Variants in SLC44A5 observed in about 807,000 individuals in gnomAD.
The protein encoded by SLC44A5 is solute carrier family 44 member 5, also known as choline transporter-like protein 5.
A neutral mutation model predicts 101.8 loss-of-function variants in SLC44A5; 57 were observed. The observed-to-expected ratio is 0.56, with a 90% CI of 0.45 to 0.70. The LOEUF (loss-of-function observed/expected upper bound fraction) is 0.70, where lower values mean the gene tolerates loss of function less well. SLC44A5 is among the 30% of genes least tolerant of loss of function. The probability of loss-of-function intolerance (pLI) is 0.00; values close to 1 mark genes in which losing one functional copy is unlikely to be tolerated. For missense variants in SLC44A5, 737 were observed against 853.1 expected (o/e 0.86, Z 1.70); for synonymous variants, 281 against 290.9 (o/e 0.97, Z 0.35).
At chr1:75,648,248 T>C in the SLC44A5 span, among the ~76,000 whole-genome samples, 1 of 152,152 alleles carries the variant, frequency 6.6e-6, no homozygotes, top group Non-Finnish European at 1.5e-5. Flanking sequence ...GAAGGACATG[T>C]TTGTTTCCCC....
At chr1:75,490,439 T>C (rs529199162) in intron 2 of SLC44A5, among the ~76,000 whole-genome samples, 108 of 152,292 alleles carry the variant, frequency 7.1e-4, no homozygotes, top group Non-Finnish European at 1.1e-3. Flanking sequence ...AAAAACACAC[T>C]GGGACAATAG....
intron 12 of SLC44A5, among the ~76,000 whole-genome samples, chr1:75,229,606 A>T (rs1185075386): frequency 6.6e-6 from 1 of 152,050 alleles, no homozygotes; most frequent in African/African-American, 2.4e-5. Flanking sequence ...TAATACTGCC[A>T]TTTTCACTCC....
intron 1 of SLC44A5, among the ~76,000 whole-genome samples, chr1:75,590,062 GCACACGACGTA>G (rs978015512): frequency 4.6e-5 from 7 of 151,972 alleles, no homozygotes; most frequent in Non-Finnish European, 7.4e-5. Context: ...GATTAGGGGG[GCACACGACGTA>G]CTGAGACACC....
chr1:75,617,252 T>C, the SLC44A5 span, among the ~76,000 whole-genome samples: 4 of 152,116 alleles, frequency 2.6e-5, no homozygotes, highest in African/African-American at 9.7e-5. Flanking sequence ...CACTTCTCCT[T>C]TCCTCCTCCT....
At chr1:75,272,278 G>A (rs535377040) in intron 6 of SLC44A5, among the ~76,000 whole-genome samples, 1 of 147,722 alleles carries the variant, frequency 6.8e-6, no homozygotes, top group East Asian at 2.0e-4. Flanking sequence ...TATTTACTCT[G>A]CTTATTTATT....
chr1:75,622,003 C>T, the SLC44A5 span, among the ~76,000 whole-genome samples: 1 of 152,074 alleles, frequency 6.6e-6, no homozygotes, highest in Non-Finnish European at 1.5e-5. Flanking sequence ...TTTCTTGTGA[C>T]TGACACAGAT....
intron 3 of SLC44A5, among the ~76,000 whole-genome samples, chr1:75,385,863 A>T (rs954084808): frequency 6.6e-5 from 10 of 152,090 alleles, no homozygotes; most frequent in Non-Finnish European, 1.5e-4. Flanking sequence ...ATCCACCATG[A>T]TCAAATCGGC....
At chr1:75,553,578 C>T (rs1672056687) in intron 1 of SLC44A5, among the ~76,000 whole-genome samples, 1 of 152,102 alleles carries the variant, frequency 6.6e-6, no homozygotes, top group African/African-American at 2.4e-5. Flanking sequence ...ACTTAAGGTC[C>T]AGAGCTAGGG....
chr1:75,288,856 T>G (rs948830407), intron 5 of SLC44A5, among the ~76,000 whole-genome samples: 6 of 152,246 alleles, frequency 3.9e-5, no homozygotes, highest in African/African-American at 1.4e-4. Flanking sequence ...CTCAAGGTTA[T>G]ATGACCTTCT....
intron 18 of SLC44A5, 24 bp from the exon 19 acceptor site, chr1:75,215,881 C>A (rs1179196520): frequency 2.4e-6 from 3 of 1,249,672 alleles, no homozygotes; most frequent in Non-Finnish European, 3.5e-6. Flanking sequence ...ATATTTAAAT[C>A]TATTAATGAT....
At chr1:75,651,833 CCACACA>C in the SLC44A5 span, among the ~76,000 whole-genome samples, 5 of 151,658 alleles carry the variant, frequency 3.3e-5, no homozygotes, top group African/African-American at 4.8e-5. Context: ...AGGAGAGGCC[CCACACA>C]CACACACGCA....
the SLC44A5 span, chr1:75,723,730 C>T: frequency 6.6e-6 from 1 of 152,148 alleles, no homozygotes; most frequent in East Asian, 1.9e-4. Flanking sequence ...ATCCCTTTTC[C>T]GAATTTTCCT....
intron 5 of SLC44A5, among the ~76,000 whole-genome samples, chr1:75,283,105 T>C (rs1652746933): frequency 6.6e-6 from 1 of 152,178 alleles, no homozygotes; most frequent in Non-Finnish European, 1.5e-5. Flanking sequence ...GTGGTAGTAC[T>C]AGTTTACATT....
At chr1:75,581,131 T>C (rs1307612605) in intron 1 of SLC44A5, among the ~76,000 whole-genome samples, 2 of 152,236 alleles carry the variant, frequency 1.3e-5, no homozygotes, top group Admixed American at 6.5e-5. Context: ...TGAAGGCTGA[T>C]GAAAATAGCC....
the SLC44A5 span, among the ~76,000 whole-genome samples, chr1:75,701,247 A>G: frequency 6.6e-6 from 1 of 152,218 alleles, no homozygotes. Context: ...CATCGATGCA[A>G]AAATCCTCAA....
At chr1:75,534,183 G>A (rs2101928009) in intron 2 of SLC44A5, among the ~76,000 whole-genome samples, 1 of 152,204 alleles carries the variant, frequency 6.6e-6, no homozygotes, top group East Asian at 1.9e-4. Context: ...GCTTTTAAAT[G>A]TAAAGGAAAC....
the SLC44A5 span, among the ~76,000 whole-genome samples, chr1:75,633,683 T>A: frequency 1.3e-5 from 2 of 151,884 alleles, no homozygotes; most frequent in East Asian, 1.9e-4. Context: ...CAATTTGACT[T>A]CCTCTTTTCC....
intron 2 of SLC44A5, among the ~76,000 whole-genome samples, chr1:75,422,152 C>G (rs760381506): frequency 6.6e-6 from 1 of 152,142 alleles, no homozygotes; most frequent in African/African-American, 2.4e-5. Context: ...ACATGAAATG[C>G]CCTTTGAAAA....
At position 75,272,268 on chromosome 1, in the gene SLC44A5, T is replaced by C. The variant is rs549647867; in HGVS notation, c.260+2690A>G. Reference sequence around the variant, plus strand: ...ACTTTCTCCCACTCTTTGAGTTGTCTATTTACTCTGCTTATTTATTTTGCT... The same window carrying C: ...ACTTTCTCCCACTCTTTGAGTTGTCCATTTACTCTGCTTATTTATTTTGCT... On this transcript the variant is annotated intron_variant, in intron 6 of 23. Transcript: ENST00000370859. 2.4e-4 allele frequency among the ~76,000 whole-genome samples: 36 copies of C among 152,210 alleles called. No homozygotes were observed. In the South Asian group the frequency reaches 7.3e-3, roughly 31 times the overall value.
Sources: allele counts gnomAD v4.1 joint callset (sites outside exome capture counted in the v4.1 genomes callset), GRCh38; gene constraint gnomAD v4.1.1; transcripts MANE v1.5; gene names NCBI Gene and HGNC (gene_info 2026-07-23, HGNC 2026-07-21).